NFIA: variants seen among roughly 807,000 people sequenced by gnomAD.
The protein encoded by NFIA is nuclear factor I A.
A neutral mutation model predicts 62.8 loss-of-function variants in NFIA; 8 were observed. The observed-to-expected ratio is 0.13, with a 90% CI of 0.07 to 0.23. NFIA has a LOEUF of 0.23. Ranked by LOEUF, NFIA falls within the 10% of genes least tolerant of loss-of-function variation. The pLI is 1.00. For missense variants in NFIA, 410 were observed against 642.1 expected (o/e 0.64, Z 3.91); for synonymous variants, 235 against 238.1 (o/e 0.99, Z 0.12).
intron 9 of NFIA, among the ~76,000 whole-genome samples, chr1:61,411,452 A>G (rs1557766315): frequency 1.3e-5 from 2 of 152,098 alleles, no homozygotes; most frequent in Non-Finnish European, 2.9e-5. Context: ...TTTCACAACC[A>G]ATGTGCTCCA....
intron 6 of NFIA, 66 bp downstream of exon 6, chr1:61,359,340 A>T: frequency 6.2e-7 from 1 of 1,606,146 alleles, no homozygotes; most frequent in East Asian, 2.2e-5. Context: ...GTGGGGTCCC[A>T]TGCCACGCAT....
At chr1:61,356,521 T>C (rs1354575733) in intron 5 of NFIA, among the ~76,000 whole-genome samples, 2 of 152,228 alleles carry the variant, frequency 1.3e-5, no homozygotes, top group Non-Finnish European at 2.9e-5. Flanking sequence ...TTATATAGTT[T>C]GCATTTCTAA....
In NFIA at chr1:61,455,557, A is replaced by G; in HGVS notation, c.*237A>G. 1 of 583,962 alleles carries G rather than the reference A, an allele frequency of 1.7e-6. No homozygotes were observed. Among genetic ancestry groups the G allele is most frequent in the Non-Finnish European group, 2.9e-6 (1 of 339,654 alleles). 36.2% of individuals were successfully genotyped at this position (583,962 alleles called of 1,614,324 possible). On this transcript the variant is annotated 3_prime_UTR_variant, in exon 11 of 11. Transcript: ENST00000403491. Reference sequence around the variant, plus strand: ...ACTTTAGGGACTGTTGTAATTTCTCATATGGTGCTGGAAATGGTTGGGCTT... The same window carrying G: ...ACTTTAGGGACTGTTGTAATTTCTCGTATGGTGCTGGAAATGGTTGGGCTT...
chr1:61,270,866 G>A (rs1009889975), intron 2 of NFIA, among the ~76,000 whole-genome samples: 33 of 152,264 alleles, frequency 2.2e-4, no homozygotes, highest in Admixed American at 1.0e-3. Context: ...TGAACACAGC[G>A]CCTCTTATGG....
At position 61,088,824 on chromosome 1, in the gene NFIA, G is replaced by A; in HGVS notation, c.559+144G>A. ...AGTGTGGTTTCAAAGATTGAGAGAG[G>A]TGCCACCTTCATTCAGGTGAAAAAG... On this transcript the variant is annotated intron_variant, in intron 2 of 10. Transcript: ENST00000403491. This position sits in a 1 kb window ranked among gnomAD's most constrained non-coding sequence, Gnocchi z 4.5. 1.1e-6 allele frequency: 1 copy of A among 917,458 alleles called. No homozygotes were observed. The allele number at this position is 917,458 out of a possible 1,614,324, so 56.8% of individuals were successfully genotyped here.
At chr1:61,083,908 T>C (rs2800059) in intron 1 of NFIA, among the ~76,000 whole-genome samples, 94,758 of 151,740 alleles carry the variant, frequency 0.62, 30,174 homozygotes, top group East Asian at 0.81. Context: ...CCCTGTCCAT[T>C]CCTCCCTTGT....
At chr1:61,085,716 G>C (rs1028095883) in intron 1 of NFIA, among the ~76,000 whole-genome samples, 1 of 152,112 alleles carries the variant, frequency 6.6e-6, no homozygotes, top group African/African-American at 2.4e-5. Flanking sequence ...GTGCATATGA[G>C]TAAAGTTATA....
At chr1:61,243,488 T>G (rs1298811097) in intron 2 of NFIA, among the ~76,000 whole-genome samples, 1 of 152,204 alleles carries the variant, frequency 6.6e-6, no homozygotes, top group Non-Finnish European at 1.5e-5. Context: ...CAGTAAATCA[T>G]AGTGCATTTT....
chr1:61,180,177 C>T (rs1432077717), intron 2 of NFIA, among the ~76,000 whole-genome samples: 2 of 152,150 alleles, frequency 1.3e-5, no homozygotes, highest in African/African-American at 2.4e-5. Context: ...TTCCTTCACC[C>T]CACCCACCCC....
chr1:61,229,423 A>G (rs926411710), intron 2 of NFIA, among the ~76,000 whole-genome samples: 1 of 152,184 alleles, frequency 6.6e-6, no homozygotes. Flanking sequence ...TCTCATGTAC[A>G]TAGGCCTCCA....
chr1:61,453,139 A>G (rs1023289560), intron 10 of NFIA, among the ~76,000 whole-genome samples: 1 of 152,034 alleles, frequency 6.6e-6, no homozygotes, highest in Non-Finnish European at 1.5e-5. Context: ...TGTGTAGGTC[A>G]TAAATTAGGC....
intron 3 of NFIA, among the ~76,000 whole-genome samples, chr1:61,330,857 CTA>C (rs1196198267): frequency 6.6e-6 from 1 of 152,106 alleles, no homozygotes; most frequent in Non-Finnish European, 1.5e-5. Flanking sequence ...TGTTATTGTT[CTA>C]TGTGTTTTAA....
intron 2 of NFIA, among the ~76,000 whole-genome samples, chr1:61,160,603 G>A (rs1649125659): frequency 6.6e-6 from 1 of 152,190 alleles, no homozygotes; most frequent in African/African-American, 2.4e-5. Flanking sequence ...ACTGAACTTG[G>A]ACGGTTAAAA....
chr1:61,229,194 A>G (rs1186562882), intron 2 of NFIA, among the ~76,000 whole-genome samples: 1 of 152,020 alleles, frequency 6.6e-6, no homozygotes, highest in Non-Finnish European at 1.5e-5. Context: ...ATTCCTCTGT[A>G]CAAATCAACT....
chr1:61,437,467 C>T (rs1276708007), intron 10 of NFIA, among the ~76,000 whole-genome samples: 1 of 152,086 alleles, frequency 6.6e-6, no homozygotes, highest in Non-Finnish European at 1.5e-5. Flanking sequence ...TCATCTCTCC[C>T]ACCCGCCAGC....
intron 9 of NFIA, among the ~76,000 whole-genome samples, chr1:61,415,329 C>CA (rs1195444841): frequency 6.6e-6 from 1 of 151,488 alleles, no homozygotes; most frequent in African/African-American, 2.4e-5. Context: ...TAAATAATGC[C>CA]AAAAAACCAG....
At chr1:61,401,859 G>A (rs888526624) in intron 7 of NFIA, among the ~76,000 whole-genome samples, 15 of 152,150 alleles carry the variant, frequency 9.9e-5, no homozygotes, top group African/African-American at 3.6e-4. Flanking sequence ...AAGGAGGACT[G>A]TACCATGTTG....
chr1:61,088,579 C>T lies in NFIA; in HGVS notation c.458C>T (p.Ser153Phe), dbSNP rs1204476486. ...ACTGATGGCGAGCGCCTTGTAAAGT[C>T]CCCACAATGCTCTAATCCAGGGCTC... ...ESTDGERLVK[S>F]PQCSNPGLCV... The change falls in exon 2 of 11, where the codon TCC becomes TTC. Residue 153 changes from serine to phenylalanine, a missense_variant. Coordinates refer to ENST00000403491, the MANE Select transcript of NFIA (RefSeq NM_001134673.4). This position sits in a 1 kb window ranked among gnomAD's most constrained non-coding sequence, Gnocchi z 4.5. The T allele has an allele frequency of 3.1e-6, 5 of 1,614,140 alleles. No homozygotes were observed. The highest frequency in any genetic ancestry group is 4.2e-6 in the Non-Finnish European group (5 of 1,180,016).
chr1:61,385,641 CTGTCA>C (rs1209792760), intron 7 of NFIA, among the ~76,000 whole-genome samples: 26 of 152,260 alleles, frequency 1.7e-4, no homozygotes, highest in African/African-American at 5.8e-4. Context: ...CTAGAAATTA[CTGTCA>C]TGGGCACTTC....
Sources: gnomAD v4.1 joint callset for allele counts (sites outside exome capture counted in the v4.1 genomes callset) on GRCh38, gnomAD v4.1.1 for gene constraint, Gnocchi (gnomAD v3.1) non-coding constraint, MANE v1.5 for transcripts, NCBI Gene and HGNC (gene_info 2026-07-23, HGNC 2026-07-21) for gene names.